NFE2L2: variants seen among roughly 807,000 people sequenced by gnomAD.
The protein encoded by NFE2L2 is NFE2 like bZIP transcription factor 2.
Under a neutral mutation model 49.6 loss-of-function variants are expected in NFE2L2, and 20 were observed. The ratio of observed to expected loss-of-function variants is 0.40; its 90% confidence interval spans 0.28 to 0.59. The LOEUF (loss-of-function observed/expected upper bound fraction) is 0.59, where lower values mean the gene tolerates loss of function less well. NFE2L2 is among the 20% of genes least tolerant of loss of function. The pLI is 0.40. For synonymous variants in NFE2L2, 244 were observed against 256.5 expected (o/e 0.95, Z 0.47); for missense variants, 578 against 714.2 (o/e 0.81, Z 2.17).
At chr2:177,237,770 C>T (rs950344274) in intron 1 of NFE2L2, among the ~76,000 whole-genome samples, 20 of 152,292 alleles carry the variant, frequency 1.3e-4, no homozygotes, top group Middle Eastern at 3.4e-3. Flanking sequence ...CTGCCTGCCT[C>T]GGCCTCCCAA....
chr2:177,246,083 G>C (rs892930555), intron 1 of NFE2L2, among the ~76,000 whole-genome samples: 9 of 152,290 alleles, frequency 5.9e-5, no homozygotes, highest in Admixed American at 1.3e-4. Flanking sequence ...ACACGTTCTG[G>C]AAACCACTTT....
chr2:177,240,801 G>A (rs1394976760), intron 1 of NFE2L2, among the ~76,000 whole-genome samples: 1 of 152,162 alleles, frequency 6.6e-6, no homozygotes, highest in African/African-American at 2.4e-5. Context: ...GTCAATTTTA[G>A]TGCCTTGAAT....
At chr2:177,264,493 CCCGGCACCA>C in intron 1 of NFE2L2, 30 bp downstream of exon 1, 1 of 1,517,260 alleles carries the variant, frequency 6.6e-7, no homozygotes, top group Non-Finnish European at 8.8e-7. Flanking sequence ...CCGCCCCCGT[CCCGGCACCA>C]CCGCAGGGCC....
intron 1 of NFE2L2, among the ~76,000 whole-genome samples, chr2:177,261,180 A>AAC (rs1349882684): frequency 1.3e-5 from 2 of 150,490 alleles, no homozygotes; most frequent in Admixed American, 6.6e-5. Flanking sequence ...CAAAAAAAAA[A>AAC]AAAAACAAAA....
chr2:177,251,520 G>A (rs1211713350), intron 1 of NFE2L2, among the ~76,000 whole-genome samples: 1 of 152,176 alleles, frequency 6.6e-6, no homozygotes, highest in Non-Finnish European at 1.5e-5. Flanking sequence ...GGGTCTTCCA[G>A]AGGAGCCGGG....
At chr2:177,252,661 T>C (rs61040831) in intron 1 of NFE2L2, among the ~76,000 whole-genome samples, 1 of 160 alleles carries the variant, frequency 6.3e-3, no homozygotes, top group Non-Finnish European at 0.015. Context: ...GGATGAGTAT[T>C]TTTAAAGCAC....
At chr2:177,234,399 G>T in intron 1 of NFE2L2, 128 bp from the exon 2 acceptor site, 1 of 1,053,320 alleles carries the variant, frequency 9.5e-7, no homozygotes, top group Non-Finnish European at 1.3e-6. Context: ...CAATCTAAAT[G>T]AGAACACAGA....
chr2:177,248,616 T>G (rs920324729), intron 1 of NFE2L2, among the ~76,000 whole-genome samples: 1 of 152,088 alleles, frequency 6.6e-6, no homozygotes, highest in Non-Finnish European at 1.5e-5. Context: ...TCCATGTTGG[T>G]CAGGCTGGTC....
At chr2:177,256,740 A>T (rs1410225474) in intron 1 of NFE2L2, among the ~76,000 whole-genome samples, 1 of 152,144 alleles carries the variant, frequency 6.6e-6, no homozygotes. Flanking sequence ...GTGACTAAAT[A>T]CACCCCCCCA....
chr2:177,233,438 C>A (rs960758336), intron 2 of NFE2L2, 99 bp from the exon 3 acceptor site: 42 of 898,222 alleles, frequency 4.7e-5, no homozygotes, highest in Admixed American at 3.5e-4. Context: ...TATTTATAAT[C>A]AAGTTAAGTA....
intron 1 of NFE2L2, among the ~76,000 whole-genome samples, chr2:177,243,415 CT>C (rs1213094003): frequency 6.6e-6 from 1 of 152,232 alleles, no homozygotes; most frequent in Non-Finnish European, 1.5e-5. Context: ...TCTACAGATA[CT>C]TCTGCCACTT....
At chr2:177,233,187 A>C (rs771246121) in intron 3 of NFE2L2, 63 bp downstream of exon 3, 1 of 1,338,326 alleles carries the variant, frequency 7.5e-7, no homozygotes. Flanking sequence ...CTTACATAGA[A>C]TAGATTGTTA....
At chr2:177,243,555 C>G (rs932108458) in intron 1 of NFE2L2, among the ~76,000 whole-genome samples, 1 of 152,116 alleles carries the variant, frequency 6.6e-6, no homozygotes, top group Non-Finnish European at 1.5e-5. Flanking sequence ...GAGTCTTGCT[C>G]TGTTGCCCAG....
chr2:177,242,204 C>A (rs1177347264), intron 1 of NFE2L2, among the ~76,000 whole-genome samples: 2 of 152,130 alleles, frequency 1.3e-5, no homozygotes, highest in Non-Finnish European at 2.9e-5. Context: ...ACACAGAATA[C>A]TGGAGACAAA....
chr2:177,230,624 A>C lies in NFE2L2; in HGVS notation c.*161T>G, dbSNP rs935795975. 1.4e-6 allele frequency: 1 copy of C among 730,202 alleles called. No homozygotes were observed. The highest frequency in any genetic ancestry group is 2.0e-6 in the Non-Finnish European group (1 of 489,790). The allele number at this position is 730,202 out of a possible 1,614,324, so 45.2% of individuals were successfully genotyped here. A position where few individuals can be genotyped will look rare whatever the true frequency, so the allele number is the denominator to read the frequency against. On this transcript the variant is annotated 3_prime_UTR_variant, in exon 5 of 5. Transcript: ENST00000397062. ...GAAACTACTGATTCAACATACTGAC[A>C]CTCCAATGCTTTTTAAAGTTTCGTA...
intron 1 of NFE2L2, among the ~76,000 whole-genome samples, chr2:177,234,653 G>C (rs1461016964): frequency 6.6e-6 from 1 of 152,210 alleles, no homozygotes; most frequent in African/African-American, 2.4e-5. Context: ...TAAGAGAAGT[G>C]GGGTCTGGAA....
chr2:177,263,828 G>A (rs1447486348), intron 1 of NFE2L2: 4 of 985,378 alleles, frequency 4.1e-6, no homozygotes, highest in African/African-American at 3.5e-5. Flanking sequence ...GCCGCCACAC[G>A]TCGGGGCTTC....
chr2:177,245,138 T>G (rs1202207854), intron 1 of NFE2L2, among the ~76,000 whole-genome samples: 1 of 151,984 alleles, frequency 6.6e-6, no homozygotes, highest in Admixed American at 6.6e-5. Context: ...CAAGGAAAAT[T>G]CTCATACATA....
At position 177,232,569 on chromosome 2, in the gene NFE2L2, C is replaced by T. The variant is rs748210787; in HGVS notation, c.417G>A (p.Thr139=). 13 of 1,613,694 alleles carry T rather than the reference C, an allele frequency of 8.1e-6. No individual in the cohort carries two copies. Among genetic ancestry groups the T allele is most frequent in the South Asian group, 4.4e-5 (4 of 91,080 alleles). Residue 139 remains threonine, a synonymous_variant, in exon 4 of 5, where the codon ACG becomes ACA. Coordinates refer to ENST00000397062, the MANE Select transcript of NFE2L2 (RefSeq NM_006164.5). ...GAATATCAGGAACAAGTGACTGAAA[C>T]GTAGCCGAAGAAACCTAAAATTGAT... The part of the protein sequence containing the change: ...FVDDNEVSSA[T]FQSLVPDIPG...
Sources: gnomAD v4.1 joint callset for allele counts (sites outside exome capture counted in the v4.1 genomes callset) on GRCh38, gnomAD v4.1.1 for gene constraint, MANE v1.5 for transcripts, NCBI Gene and HGNC (gene_info 2026-07-23, HGNC 2026-07-21) for gene names.